ERAL1: variants seen among roughly 807,000 people sequenced by gnomAD.
ERAL1 encodes GTPase Era, mitochondrial.
In ERAL1, 36 loss-of-function variants were observed where a neutral mutation model predicts 53.6. The ratio of observed to expected loss-of-function variants is 0.67; its 90% CI spans 0.51 to 0.89. ERAL1 has a LOEUF of 0.89. Ranked by LOEUF, ERAL1 falls within the 40% of genes least tolerant of loss-of-function variation. The pLI is 0.00. For missense variants in ERAL1, 512 were observed against 537.5 expected, an observed-to-expected ratio of 0.95 and a Z score of 0.47; for synonymous variants, 215 against 211.8, an observed-to-expected ratio of 1.02 and a Z score of -0.13.
Position 28,858,690 on chromosome 17 carries a change from A to G in ERAL1, c.826A>G (p.Thr276Ala). Residue 276 changes from threonine (T) to alanine (A), a missense_variant, in exon 7 of 10, where the codon ACC (threonine) becomes GCC (alanine). Coordinates refer to ENST00000254928, the MANE Select transcript of ERAL1 (RefSeq NM_005702.4). ...GCAGGCCTTCCACTCACACCCTGGC[A>G]CCCATTGCCCCAGCCCAGCAGTTAA... ...MRQAFHSHPGTHCPSPAVKDP... is the reference protein window; with the variant it reads ...MRQAFHSHPGAHCPSPAVKDP... 1 of 1,614,178 alleles carries G rather than the reference A, an allele frequency of 6.2e-7. No individual in the cohort carries two copies. The highest frequency in any genetic ancestry group is 8.5e-7 in the Non-Finnish European group (1 of 1,180,032).
In ERAL1 at chr17:28,858,158, G is replaced by A; in HGVS notation, c.549G>A (p.Glu183=). 6 of 1,614,102 alleles carry A rather than the reference G, an allele frequency of 3.7e-6. No homozygotes were observed. Among genetic ancestry groups the A allele is most frequent in the Non-Finnish European group, 5.1e-6 (6 of 1,180,026 alleles). ...GTCTGTCCCTCAGGCATCACCTGGA[G>A]CTCTCTTTGTTGGAAGATCCATGGA... ...SPGKQKRHHL[E]LSLLEDPWKS... is the part of the protein sequence containing the mutation. Residue 183 remains glutamate (E), a synonymous_variant, in exon 5 of 10, where the codon GAG becomes GAA. Transcript: ENST00000254928.
At chr17:28,856,617 C>A in intron 3 of ERAL1, 35 bp downstream of exon 3, 1 of 1,593,052 alleles carries the variant, frequency 6.3e-7, no homozygotes, top group Non-Finnish European at 8.6e-7. Context: ...TGAAACAGGA[C>A]AGAGGGTGAA....
chr17:28,860,802 G>A lies in ERAL1; in HGVS notation c.*249G>A, dbSNP rs1264056774. The A allele has an allele frequency of 6.5e-6, 2 of 308,982 alleles. No individual in the cohort carries two copies. Among genetic ancestry groups the A allele is most frequent in the Non-Finnish European group, 1.2e-5 (2 of 170,168 alleles). 19.1% of individuals were successfully genotyped at this position (308,982 alleles called of 1,614,324 possible). A position where few individuals can be genotyped will look rare whatever the true frequency, so the allele number is the denominator to read the frequency against. ...CTGGCACCACAGCTACAAAGGTGTA[G>A]CTAAGAAGATGGCCCATTGGTGGGA... On this transcript the variant is annotated 3_prime_UTR_variant, in exon 10 of 10. Transcript: ENST00000254928.
Position 28,855,318 on chromosome 17 carries a change from G to A in ERAL1, c.283+1G>A, listed in dbSNP as rs764778061. On this transcript the variant is annotated splice_donor_variant, in intron 1 of 9. Coordinates refer to ENST00000254928, the MANE Select transcript of ERAL1 (RefSeq NM_005702.4). LOFTEE classifies it high-confidence loss of function. ...GTCCCCGCGGTGTCCATGAACAGAG[G>A]TAAAGCGCCCTGATAGGTTTGCTCG... 1.3e-6 allele frequency: 2 copies of A among 1,574,596 alleles called. No individual in the cohort carries two copies. Among genetic ancestry groups the A allele is most frequent in the South Asian group, 2.3e-5 (2 of 86,962 alleles).
At chr17:28,859,353 C>G in intron 9 of ERAL1, 70 bp downstream of exon 9, 1 of 1,452,508 alleles carries the variant, frequency 6.9e-7, no homozygotes, top group Admixed American at 1.7e-5. Flanking sequence ...CAGCTTGGAG[C>G]CCTGAGAGCA....
rs763742261 is a variant in ERAL1, at chr17:28,856,268, G to A, written c.288G>A (p.Glu96=). 1.2e-6 allele frequency: 2 copies of A among 1,613,958 alleles called. No homozygotes were observed. The highest frequency in any genetic ancestry group is 1.7e-6 in the Non-Finnish European group (2 of 1,179,912). ...CVPAVSMNRD[E]QDVLLVHHPD... is the part of the protein sequence containing the mutation. ...CTTCTTCCCACTTGCACATAGATGAGCAGGATGTCCTCTTGGTCCATCACC... is the reference window on the plus strand; with the variant it reads ...CTTCTTCCCACTTGCACATAGATGAACAGGATGTCCTCTTGGTCCATCACC... Residue 96 remains glutamate, a synonymous_variant, in exon 2 of 10, where the codon GAG becomes GAA. Coordinates refer to ENST00000254928, the MANE Select transcript of ERAL1 (RefSeq NM_005702.4).
At position 28,858,841 on chromosome 17, in the gene ERAL1, C is replaced by T. The variant is rs771246520; in HGVS notation, c.960+17C>T. The stretch of plus-strand genomic sequence containing the variant: ...ACACTAAAGGTCAGTTAGTCTTGGC[C>T]ATAGCCTGGCCCTTGGTTTCTACCA... On this transcript the variant is annotated intron_variant, in intron 7 of 9. Coordinates refer to ENST00000254928, the MANE Select transcript of ERAL1 (RefSeq NM_005702.4). 6.2e-7 allele frequency: 1 copy of T among 1,613,784 alleles called. No homozygotes were observed. The highest frequency in any genetic ancestry group is 1.3e-5 in the African/African-American group (1 of 74,920).
At chr17:28,857,803 A>G (rs1000274437) in intron 3 of ERAL1, 136 bp from the exon 4 acceptor site, 7 of 1,045,784 alleles carry the variant, frequency 6.7e-6, no homozygotes, top group Non-Finnish European at 8.6e-6. Flanking sequence ...GAAAAAAACA[A>G]AAAACAAACC....
In ERAL1 at chr17:28,858,589, A is replaced by T; in HGVS notation, c.725A>T (p.Lys242Met). 6.2e-7 allele frequency: 1 copy of T among 1,614,160 alleles called. No individual in the cohort carries two copies. Among genetic ancestry groups the T allele is most frequent in the East Asian group, 2.2e-5 (1 of 44,876 alleles). ...CCCCATGTCCAGGTAGATTGTTTGAAGCAGAAGTCAGTTCTCCTGGAGCTC... is the reference window on the plus strand; with the variant it reads ...CCCCATGTCCAGGTAGATTGTTTGATGCAGAAGTCAGTTCTCCTGGAGCTC... ...VLVMNKVDCLKQKSVLLELTA... is the reference protein window; with the variant it reads ...VLVMNKVDCLMQKSVLLELTA... Residue 242 changes from lysine (K) to methionine (M), a missense_variant, in exon 7 of 10, where the codon AAG (lysine) becomes ATG (methionine). By Grantham distance (95) the Lys-to-Met change is moderately conservative. Coordinates refer to ENST00000254928, the MANE Select transcript of ERAL1 (RefSeq NM_005702.4).
At position 28,855,055 on chromosome 17, in the gene ERAL1, C is replaced by T. The variant is rs200530724; in HGVS notation, c.21C>T (p.Arg7=). 65 of 1,594,944 alleles carry T rather than the reference C, an allele frequency of 4.1e-5. No individual in the cohort carries two copies. The highest frequency in any genetic ancestry group is 8.6e-6 in the Non-Finnish European group (10 of 1,168,130). MAAPSW[R]GARLVQSVLR... ...CTGTAATGGCTGCCCCCAGCTGGCG[C>T]GGGGCTAGGCTTGTTCAATCGGTGT... The change falls in exon 1 of 10, where the codon CGC becomes CGT. Residue 7 remains arginine, a synonymous_variant. Coordinates refer to ENST00000254928, the MANE Select transcript of ERAL1 (RefSeq NM_005702.4).
intron 9 of ERAL1, among the ~76,000 whole-genome samples, 174 bp downstream of exon 9, chr17:28,859,457 C>T (rs2039280726): frequency 6.6e-6 from 1 of 151,952 alleles, no homozygotes; most frequent in Non-Finnish European, 1.5e-5. Context: ...GGTGTGATCA[C>T]AGTTCACTGC....
At chr17:28,859,681 A>G (rs1422614116) in intron 9 of ERAL1, among the ~76,000 whole-genome samples, 2 of 151,784 alleles carry the variant, frequency 1.3e-5, no homozygotes, top group Admixed American at 6.6e-5. Flanking sequence ...CTGGGATTAC[A>G]GGTGCCCACC....
At chr17:28,856,191 G>A (rs1043341981) in intron 1 of ERAL1, 73 bp from the exon 2 acceptor site, 9 of 1,584,850 alleles carry the variant, frequency 5.7e-6, no homozygotes, top group South Asian at 1.2e-5. Context: ...CCCTTTGTGG[G>A]TGGGCAGGAA....
Position 28,855,329 on chromosome 17 carries a change from T to C in ERAL1, c.283+12T>C. The C allele has an allele frequency of 6.4e-7, 1 of 1,560,246 alleles. No homozygotes were observed. Among genetic ancestry groups the C allele is most frequent in the East Asian group, 2.3e-5 (1 of 44,082 alleles). ...GTCCATGAACAGAGGTAAAGCGCCC[T>C]GATAGGTTTGCTCGGAACTGTCATG... On this transcript the variant is annotated intron_variant, in intron 1 of 9. Transcript: ENST00000254928.
chr17:28,860,361 C>T, intron 9 of ERAL1, 70 bp from the exon 10 acceptor site: 7 of 1,569,546 alleles, frequency 4.5e-6, no homozygotes, highest in Admixed American at 1.8e-5. Context: ...CTCACCTTAG[C>T]CCCCCAAGTA....
intron 7 of ERAL1, 65 bp from the exon 8 acceptor site, chr17:28,858,899 G>A: frequency 6.2e-7 from 1 of 1,611,856 alleles, no homozygotes; most frequent in South Asian, 1.1e-5. Flanking sequence ...CCTCCTGGAA[G>A]CAAAAGTGAG....
In ERAL1 at chr17:28,858,389, A is replaced by G. The variant is rs1313246395; in HGVS notation, c.614A>G (p.Asp205Gly). The G allele has an allele frequency of 1.2e-6, 2 of 1,613,960 alleles. No homozygotes were observed. Among genetic ancestry groups the G allele is most frequent in the East Asian group, 4.5e-5 (2 of 44,850 alleles). The change falls in exon 6 of 10, where the codon GAT (aspartate) becomes GGT (glycine). Residue 205 changes from aspartate to glycine, a missense_variant. Transcript: ENST00000254928. ...ESADLVVVLV[D>G]VSDKWTRNQL... ...CATCTTCTAGTTGTGGTTCTTGTGG[A>G]TGTCTCAGACAAGTGGACACGGAAC...
intron 1 of ERAL1, 67 bp downstream of exon 1, chr17:28,855,384 C>T: frequency 2.7e-6 from 4 of 1,486,658 alleles, no homozygotes; most frequent in Non-Finnish European, 3.6e-6. Flanking sequence ...TCTGGGGATA[C>T]TGTCTTTGAT....
intron 7 of ERAL1, 62 bp downstream of exon 7, chr17:28,858,886 T>C: frequency 1.2e-6 from 2 of 1,611,944 alleles, no homozygotes; most frequent in South Asian, 2.2e-5. Context: ...AGCCCTCAAA[T>C]TTCCTCCTGG....
Sources: allele counts gnomAD v4.1 joint callset (sites outside exome capture counted in the v4.1 genomes callset), GRCh38; gene constraint gnomAD v4.1.1; transcripts MANE v1.5; gene names NCBI Gene and HGNC (gene_info 2026-07-23, HGNC 2026-07-21).